Variants in ITCH observed in about 807,000 individuals in gnomAD.
ITCH encodes the protein E3 ubiquitin-protein ligase Itchy homolog.
In ITCH, 28 loss-of-function variants were observed where a neutral mutation model predicts 126.8. That is an observed-to-expected ratio of 0.22 (90% CI 0.16 to 0.30). The LOEUF (loss-of-function observed/expected upper bound fraction) is 0.30. ITCH is among the 10% of genes least tolerant of loss of function. ITCH has a pLI of 1.00. For synonymous variants in ITCH, 342 were observed against 340.0 expected, an observed-to-expected ratio of 1.01 and a Z score of -0.06; for missense variants, 631 against 1,032.4, an observed-to-expected ratio of 0.61 and a Z score of 5.33.
intron 6 of ITCH, among the ~76,000 whole-genome samples, chr20:34,414,662 TAG>T (rs1979571816): frequency 6.6e-6 from 1 of 151,942 alleles, no homozygotes; most frequent in African/African-American, 2.4e-5. Flanking sequence ...TTTGTTTTAG[TAG>T]AGATGGGGTT....
chr20:34,387,016 T>G (rs1295845991), intron 2 of ITCH, among the ~76,000 whole-genome samples: 1 of 152,066 alleles, frequency 6.6e-6, no homozygotes, highest in Admixed American at 6.6e-5. Context: ...AATAAATGAT[T>G]TATAGGCCGG....
chr20:34,369,333 A>AAAACAAAC (rs11471915), intron 1 of ITCH, 61 bp from the exon 2 acceptor site: 14 of 376,974 alleles, frequency 3.7e-5, no homozygotes, highest in African/African-American at 6.3e-5. Flanking sequence ...CTCCATCTCA[A>AAAACAAAC]AAACAAACAA....
rs10598635 is a variant in ITCH at position 34,510,443 on chromosome 20, A to ATTTTTTTT, written c.*2669_*2676dup. The ATTTTTTTT allele has an allele frequency of 9.5e-5, 6 of 63,226 alleles. No individual in the cohort carries two copies. Among genetic ancestry groups the ATTTTTTTT allele is most frequent in the Admixed American group, 4.9e-4 (2 of 4,108 alleles). 3.9% of individuals were successfully genotyped at this position (63,226 alleles called of 1,614,324 possible). The stretch of plus-strand genomic sequence containing the variant: ...TTGTAAATGCTAATAAATCCTGTTA[A>ATTTTTTTT]TTTTTTTTTTTTTTTTTTTTTTTTT... On this transcript the variant is annotated 3_prime_UTR_variant, in exon 25 of 25. Transcript: ENST00000374864.
rs753323096 is a variant in ITCH at position 34,504,419 on chromosome 20, A to T, written c.2489+16A>T. The stretch of plus-strand genomic sequence containing the variant: ...GTCATACCTGGTAAGTACAATCAGA[A>T]TGGATAGAGAAAACAGCTTTTGTCC... On this transcript the variant is annotated intron_variant, in intron 24 of 24. Coordinates refer to ENST00000374864, the MANE Select transcript of ITCH (RefSeq NM_031483.7). The T allele has an allele frequency of 1.6e-5, 24 of 1,543,446 alleles. No individual in the cohort carries two copies. The highest frequency in any genetic ancestry group is 1.9e-5 in the Non-Finnish European group (21 of 1,115,830).
Position 34,365,136 on chromosome 20 carries a change from G to A in ITCH, c.-99+1787G>A, listed in dbSNP as rs908172900. On this transcript the variant is annotated intron_variant, in intron 1 of 24. Transcript: ENST00000374864. ...AATCACCTGATTCCGGGGGGTCGAG[G>A]CTGCGGTGAGCTGTTACCGTTGCCA... 6.6e-5 allele frequency among the ~76,000 whole-genome samples: 10 copies of A among 152,060 alleles called. No homozygotes were observed. The South Asian group carries it at 2.1e-3, about 32-fold the overall frequency.
intron 16 of ITCH, among the ~76,000 whole-genome samples, chr20:34,472,395 A>G (rs6059857): frequency 2.8e-4 from 41 of 145,858 alleles, no homozygotes; most frequent in Middle Eastern, 3.5e-3. Flanking sequence ...AAAAAAAAAA[A>G]AACTTGAGTT....
chr20:34,422,047 T>C (rs1321896946), intron 6 of ITCH, among the ~76,000 whole-genome samples: 2 of 152,146 alleles, frequency 1.3e-5, no homozygotes, highest in Non-Finnish European at 2.9e-5. Flanking sequence ...AAAATGGCCC[T>C]TGTTTAGACT....
In ITCH at chr20:34,429,311, G is replaced by A. The variant is rs149114262; in HGVS notation, c.521+4786G>A. Among the ~76,000 whole-genome samples, 188 of 152,126 alleles carry A rather than the reference G, an allele frequency of 1.2e-3. 1 individual carries two copies. Among genetic ancestry groups the A allele is most frequent in the African/African-American group, 4.3e-3 (180 of 41,508 alleles). Reference sequence around the variant, plus strand: ...AATTCTGTATACTGTATAGATTTCCGGATTGATTTTCAAAATCTATTTTTA... The same window carrying A: ...AATTCTGTATACTGTATAGATTTCCAGATTGATTTTCAAAATCTATTTTTA... On this transcript the variant is annotated intron_variant, in intron 7 of 24. Coordinates refer to ENST00000374864, the MANE Select transcript of ITCH (RefSeq NM_031483.7).
At chr20:34,382,292 C>G (rs1033848174) in intron 2 of ITCH, among the ~76,000 whole-genome samples, 1 of 152,146 alleles carries the variant, frequency 6.6e-6, no homozygotes, top group African/African-American at 2.4e-5. Context: ...GTTTTTGACA[C>G]AATCTGAATA....
intron 7 of ITCH, among the ~76,000 whole-genome samples, chr20:34,429,742 T>C (rs1982035923): frequency 1.3e-5 from 2 of 152,042 alleles, no homozygotes; most frequent in Non-Finnish European, 1.5e-5. Context: ...GCTTTGAATC[T>C]TGTTTTTTTT....
intron 3 of ITCH, among the ~76,000 whole-genome samples, chr20:34,403,237 C>T (rs1005781055): frequency 1.3e-5 from 2 of 152,084 alleles, no homozygotes; most frequent in Admixed American, 6.6e-5. Flanking sequence ...GGATAAGCTA[C>T]GGATCCATTC....
intron 3 of ITCH, among the ~76,000 whole-genome samples, chr20:34,397,753 A>T (rs575665918): frequency 3.9e-5 from 6 of 152,000 alleles, no homozygotes; most frequent in Non-Finnish European, 7.4e-5. Flanking sequence ...CTCATCCTCA[A>T]TCTAGCTTGA....
At position 34,403,786 on chromosome 20, in the gene ITCH, A is replaced by G. The variant is rs1024338983; in HGVS notation, c.71-4865A>G. On this transcript the variant is annotated intron_variant, in intron 3 of 24. Coordinates refer to ENST00000374864, the MANE Select transcript of ITCH (RefSeq NM_031483.7). ...GGGGGATGTTTATCTCTCAGGAAAT[A>G]TAATTTTAATGGGTATAAAAGAAAA... Among the ~76,000 whole-genome samples the G allele has an allele frequency of 5.9e-5, 9 of 152,310 alleles. 1 individual carries two copies. In the South Asian group the frequency reaches 6.2e-4, roughly 11 times the overall value.
At chr20:34,419,997 T>C (rs1601857377) in intron 6 of ITCH, among the ~76,000 whole-genome samples, 1 of 152,176 alleles carries the variant, frequency 6.6e-6, no homozygotes, top group African/African-American at 2.4e-5. Flanking sequence ...ATTTAACGTT[T>C]ATGTTGGGTG....
At chr20:34,372,715 C>T (rs1036811507) in intron 2 of ITCH, among the ~76,000 whole-genome samples, 1 of 151,862 alleles carries the variant, frequency 6.6e-6, no homozygotes, top group Non-Finnish European at 1.5e-5. Flanking sequence ...CACTGAGAGA[C>T]CTGTAGGAAA....
intron 1 of ITCH, among the ~76,000 whole-genome samples, chr20:34,365,439 G>A (rs903976510): frequency 3.3e-5 from 5 of 152,264 alleles, no homozygotes; most frequent in South Asian, 2.1e-4. Flanking sequence ...GTTTGAGACG[G>A]AATCTAACTT....
At chr20:34,421,019 G>T (rs892070661) in intron 6 of ITCH, among the ~76,000 whole-genome samples, 3 of 152,166 alleles carry the variant, frequency 2.0e-5, no homozygotes, top group Admixed American at 2.0e-4. Context: ...CTGGCCCAAG[G>T]CTTTCTAATC....
intron 23 of ITCH, among the ~76,000 whole-genome samples, chr20:34,501,848 T>C (rs1236457400): frequency 6.6e-6 from 1 of 151,028 alleles, no homozygotes. Flanking sequence ...ATAATAGACT[T>C]AAGTATATGT....
intron 10 of ITCH, among the ~76,000 whole-genome samples, chr20:34,442,559 C>T (rs552262052): frequency 2.0e-5 from 3 of 152,202 alleles, no homozygotes; most frequent in African/African-American, 7.2e-5. Context: ...CGCTATGTCG[C>T]CCAGGCTGGT....
Sources: allele counts gnomAD v4.1 joint callset (sites outside exome capture counted in the v4.1 genomes callset), GRCh38; gene constraint gnomAD v4.1.1; transcripts MANE v1.5; gene names NCBI Gene and HGNC (gene_info 2026-07-23, HGNC 2026-07-21).